Variants in SLC6A11 observed in about 807,000 individuals in gnomAD.
The protein encoded by SLC6A11 is sodium- and chloride-dependent GABA transporter 3.
Under a neutral mutation model 74.8 loss-of-function variants are expected in SLC6A11, and 25 were observed. The observed-to-expected ratio is 0.33, with a 90% CI of 0.24 to 0.47. SLC6A11 has a LOEUF of 0.47. SLC6A11 is among the 20% of genes least tolerant of loss of function. The pLI is 1.00. For synonymous variants in SLC6A11, 330 were observed against 330.2 expected, an observed-to-expected ratio of 1.00 and a Z score of 0.01; for missense variants, 574 against 837.0, an observed-to-expected ratio of 0.69 and a Z score of 3.88.
At chr3:10,850,126 T>G (rs1465935685) in intron 5 of SLC6A11, among the ~76,000 whole-genome samples, 2 of 152,184 alleles carry the variant, frequency 1.3e-5, no homozygotes, top group Non-Finnish European at 2.9e-5. Context: ...GTCTAATTTA[T>G]TAAAATAATT....
At chr3:10,884,225 G>A (rs187460731) in intron 6 of SLC6A11, among the ~76,000 whole-genome samples, 8 of 152,256 alleles carry the variant, frequency 5.3e-5, no homozygotes, top group Admixed American at 2.0e-4. Context: ...ATGATCCACA[G>A]TCCTGGAGGT....
chr3:10,857,458 T>C (rs963612843), intron 5 of SLC6A11, among the ~76,000 whole-genome samples: 3 of 152,112 alleles, frequency 2.0e-5, no homozygotes, highest in African/African-American at 4.8e-5. Flanking sequence ...AGGCCTCACA[T>C]TGTGCTCTGT....
rs1370940736 is a variant in SLC6A11 at position 10,940,329 on chromosome 3, T to C, written c.*1927T>C. ...CCCAGGCAAGGAGGCTTCCCATTGC[T>C]GCTGCTACCGGTTCTCCACAGATCC... On this transcript the variant is annotated 3_prime_UTR_variant, in exon 14 of 14. Transcript: ENST00000254488. The C allele has an allele frequency of 1.2e-5, 1 of 85,192 alleles. No homozygotes were observed. Among genetic ancestry groups the C allele is most frequent in the Admixed American group, 9.8e-5 (1 of 10,226 alleles). 5.3% of individuals were successfully genotyped at this position (85,192 alleles called of 1,614,324 possible).
rs563196428 is a variant in SLC6A11 at position 10,845,437 on chromosome 3, A to G, written c.756+1091A>G. On this transcript the variant is annotated intron_variant, in intron 5 of 13. Coordinates refer to ENST00000254488, the MANE Select transcript of SLC6A11 (RefSeq NM_014229.3). ...CTCTCATGCCTGGGTTGCACTGACC[A>G]CATCCCTCCTTGCCAGCCTCCTTCC... 1.2e-4 allele frequency among the ~76,000 whole-genome samples: 19 copies of G among 152,326 alleles called. No individual in the cohort carries two copies. In the East Asian group the frequency reaches 1.7e-3, roughly 14 times the overall value.
intron 10 of SLC6A11, among the ~76,000 whole-genome samples, chr3:10,932,512 A>G (rs1226484094): frequency 6.6e-6 from 1 of 152,174 alleles, no homozygotes; most frequent in Non-Finnish European, 1.5e-5. Context: ...GAATGAGACC[A>G]TTAGAAAGGG....
chr3:10,899,968 C>T (rs1695219894), intron 6 of SLC6A11, among the ~76,000 whole-genome samples: 1 of 152,234 alleles, frequency 6.6e-6, no homozygotes, highest in South Asian at 2.1e-4. Context: ...TTTCTGCTCG[C>T]TCACTATGTC....
intron 6 of SLC6A11, among the ~76,000 whole-genome samples, chr3:10,907,974 G>C (rs1390948375): frequency 2.0e-5 from 3 of 152,146 alleles, no homozygotes; most frequent in Non-Finnish European, 4.4e-5. Flanking sequence ...ATTAAGTAAT[G>C]ACTATAAGGA....
intron 9 of SLC6A11, 34 bp from the exon 10 acceptor site, chr3:10,929,168 C>A (rs747404927): frequency 1.2e-6 from 2 of 1,609,848 alleles, no homozygotes; most frequent in African/African-American, 2.7e-5. Context: ...CAGCCTTGTC[C>A]TTGAGTTTCA....
intron 5 of SLC6A11, among the ~76,000 whole-genome samples, chr3:10,846,938 G>A (rs552638810): frequency 2.0e-5 from 3 of 152,200 alleles, no homozygotes; most frequent in Non-Finnish European, 2.9e-5. Context: ...GTTTTGAGTG[G>A]TGTCCTTTCA....
At chr3:10,905,727 G>T (rs759868339) in intron 6 of SLC6A11, among the ~76,000 whole-genome samples, 2 of 152,186 alleles carry the variant, frequency 1.3e-5, no homozygotes, top group African/African-American at 2.4e-5. Flanking sequence ...TATGCTTTCT[G>T]TAAAGAGCCT....
chr3:10,833,126 A>G (rs867456103), intron 4 of SLC6A11, among the ~76,000 whole-genome samples: 2 of 152,164 alleles, frequency 1.3e-5, no homozygotes, highest in African/African-American at 4.8e-5. Context: ...CAATGGTACA[A>G]TCTCAGCTCA....
chr3:10,874,881 C>A, intron 5 of SLC6A11, 80 bp from the exon 6 acceptor site: 1 of 1,426,098 alleles, frequency 7.0e-7, no homozygotes, highest in Non-Finnish European at 9.5e-7. Context: ...GCAACATGCA[C>A]CCAAAGGACA....
At chr3:10,870,427 C>T (rs532907517) in intron 5 of SLC6A11, among the ~76,000 whole-genome samples, 27 of 152,210 alleles carry the variant, frequency 1.8e-4, no homozygotes, top group East Asian at 9.7e-4. Flanking sequence ...GAGTGCTGTG[C>T]GGAGGGTTCT....
intron 6 of SLC6A11, among the ~76,000 whole-genome samples, chr3:10,893,191 G>A (rs1445284733): frequency 2.0e-5 from 3 of 152,052 alleles, no homozygotes; most frequent in Non-Finnish European, 2.9e-5. Flanking sequence ...AGACAGATGA[G>A]GAAAATAAAT....
rs1325501057 is a variant in SLC6A11 at position 10,886,819 on chromosome 3, A to AT, written c.891+11724_891+11725insT. Among the ~76,000 whole-genome samples, 800 of 152,146 alleles carry AT rather than the reference A, an allele frequency of 5.3e-3. 6 individuals are homozygous for AT. Among genetic ancestry groups the AT allele is most frequent in the African/African-American group, 0.018 (762 of 41,460 alleles). ...CGAGACTCCATCTCAAAAAAAAAAAAAAAAAATCTCTCCCTAGACCCTATG... is the reference window on the plus strand; with the variant it reads ...CGAGACTCCATCTCAAAAAAAAAAAATAAAAAATCTCTCCCTAGACCCTATG... On this transcript the variant is annotated intron_variant, in intron 6 of 13. Coordinates refer to ENST00000254488, the MANE Select transcript of SLC6A11 (RefSeq NM_014229.3).
At chr3:10,877,680 G>A (rs1428674474) in intron 6 of SLC6A11, among the ~76,000 whole-genome samples, 1 of 152,118 alleles carries the variant, frequency 6.6e-6, no homozygotes, top group East Asian at 1.9e-4. Flanking sequence ...AGTGTTCCAG[G>A]CATACAAAAC....
chr3:10,908,358 C>T (rs1385789745), intron 6 of SLC6A11, among the ~76,000 whole-genome samples: 1 of 152,116 alleles, frequency 6.6e-6, no homozygotes, highest in Non-Finnish European at 1.5e-5. Context: ...TTCCTCACAG[C>T]AGAGAACCAA....
chr3:10,874,001 T>C (rs550995616), intron 5 of SLC6A11, among the ~76,000 whole-genome samples: 6,044 of 147,962 alleles, frequency 0.041, 166 homozygotes, highest in Middle Eastern at 0.066. Flanking sequence ...CGCTATGCTA[T>C]GCTATGCTAT....
chr3:10,912,151 C>A lies in SLC6A11; in HGVS notation c.953C>A (p.Thr318Asn). 6.2e-7 allele frequency: 1 copy of A among 1,613,764 alleles called. No individual in the cohort carries two copies. Among genetic ancestry groups the A allele is most frequent in the East Asian group, 2.2e-5 (1 of 44,892 alleles). The change falls in exon 7 of 14, where the codon ACC becomes AAC. Residue 318 changes from threonine (T) to asparagine (N), a missense_variant. Coordinates refer to ENST00000254488, the MANE Select transcript of SLC6A11 (RefSeq NM_014229.3). ...TATGCCATTTGCCTGGGCTGTCTGACCGCTCTGGGAAGTTATAACAATTAT... is the reference window on the plus strand; with the variant it reads ...TATGCCATTTGCCTGGGCTGTCTGAACGCTCTGGGAAGTTATAACAATTAT... Reference protein sequence around the residue: ...FSYAICLGCLTALGSYNNYNN... With the variant: ...FSYAICLGCLNALGSYNNYNN...
Sources: gnomAD v4.1 joint callset for allele counts (sites outside exome capture counted in the v4.1 genomes callset) on GRCh38, gnomAD v4.1.1 for gene constraint, MANE v1.5 for transcripts, NCBI Gene and HGNC (gene_info 2026-07-23, HGNC 2026-07-21) for gene names.